The following GABRA3 variants were observed in gnomAD, a reference collection of about 807,000 sequenced individuals.
GABRA3 encodes the protein gamma-aminobutyric acid type A receptor subunit alpha3, also known as gamma-aminobutyric acid receptor subunit alpha-3.
Under a neutral mutation model 30.1 loss-of-function variants are expected in GABRA3, and 10 were observed. That is an observed-to-expected ratio of 0.33 (90% CI 0.20 to 0.56). The LOEUF (loss-of-function observed/expected upper bound fraction) is 0.56. Ranked by LOEUF, GABRA3 falls within the 20% of genes least tolerant of loss-of-function variation. The pLI is 0.89. For synonymous variants in GABRA3, 151 were observed against 146.8 expected (o/e 1.03, Z -0.21); for missense variants, 233 against 392.0 (o/e 0.59, Z 3.42).
chrX:152,230,012 C>A (rs748456188), intron 5 of GABRA3, among the ~76,000 whole-genome samples: 3 of 111,191 alleles, frequency 2.7e-5, no homozygotes, highest in African/African-American at 9.8e-5. Context: ...TAAGATACTT[C>A]CCCTAAGATC....
chrX:152,345,165 A>G (rs1940372142), intron 3 of GABRA3, among the ~76,000 whole-genome samples: 1 of 111,212 alleles, frequency 9.0e-6, no homozygotes, highest in African/African-American at 3.3e-5. Context: ...GTATTCTGTT[A>G]CTAGAAATGG....
At chrX:152,290,800 G>A (rs1415111771) in intron 3 of GABRA3, among the ~76,000 whole-genome samples, 4 of 111,531 alleles carry the variant, frequency 3.6e-5, no homozygotes, top group Non-Finnish European at 7.5e-5. Flanking sequence ...TTTTTGTCAG[G>A]TTTGTCAAAG....
At chrX:152,353,526 T>G (rs1940508074) in intron 2 of GABRA3, among the ~76,000 whole-genome samples, 1 of 111,964 alleles carries the variant, frequency 8.9e-6, no homozygotes, top group Non-Finnish European at 1.9e-5. Flanking sequence ...GCATGAGCAC[T>G]ATTTTGGCAA....
intron 5 of GABRA3, among the ~76,000 whole-genome samples, chrX:152,232,641 A>G (rs1427374989): frequency 3.7e-5 from 4 of 108,264 alleles, no homozygotes; most frequent in Admixed American, 1.0e-4. Flanking sequence ...GTGTGTGTGT[A>G]TATATGTAAC....
At chrX:152,206,802 G>A (rs979383570) in intron 7 of GABRA3, among the ~76,000 whole-genome samples, 1 of 111,681 alleles carries the variant, frequency 9.0e-6, no homozygotes, top group Non-Finnish European at 1.9e-5. Context: ...TCAGATTAGG[G>A]CCAGCCACAC....
intron 1 of GABRA3, among the ~76,000 whole-genome samples, chrX:152,384,202 A>C (rs1929235095): frequency 9.0e-6 from 1 of 111,365 alleles, no homozygotes; most frequent in Admixed American, 9.6e-5. Context: ...AAACTATAGA[A>C]CACTGATTAA....
chrX:152,220,479 A>G lies in GABRA3; in HGVS notation c.634+4284T>C, dbSNP rs1435635054. On this transcript the variant is annotated intron_variant, in intron 6 of 9. Transcript: ENST00000370314. ...TCTGATGGACATTAAGGTAGTTCCC[A>G]GTGGAGTTTATTACAATGAGCTCTG... Among the ~76,000 whole-genome samples the G allele has an allele frequency of 2.7e-5, 3 of 111,489 alleles. No homozygotes were observed. The East Asian group carries it at 8.5e-4, about 32-fold the overall frequency.
intron 2 of GABRA3, among the ~76,000 whole-genome samples, chrX:152,353,208 C>T (rs1016983678): frequency 9.0e-6 from 1 of 111,682 alleles, no homozygotes; most frequent in Non-Finnish European, 1.9e-5. Flanking sequence ...CACACCTACC[C>T]ACTTGGTAAA....
intron 1 of GABRA3, among the ~76,000 whole-genome samples, chrX:152,394,744 C>T (rs995376182): frequency 5.4e-5 from 6 of 111,869 alleles, no homozygotes; most frequent in African/African-American, 1.9e-4. Flanking sequence ...TTTATATTAT[C>T]ATGGAGAATA....
intron 5 of GABRA3, among the ~76,000 whole-genome samples, chrX:152,249,712 T>C (rs1014677284): frequency 9.0e-6 from 1 of 111,258 alleles, no homozygotes; most frequent in African/African-American, 3.3e-5. Context: ...TGTACTCTGG[T>C]CCAATCACAC....
chrX:152,358,084 G>A (rs12397233), intron 2 of GABRA3, among the ~76,000 whole-genome samples: 3,395 of 111,495 alleles, frequency 0.03, 105 homozygotes, highest in African/African-American at 0.1. Flanking sequence ...TTCTAGTTCA[G>A]TAAAGAATGT....
chrX:152,218,689 T>C (rs988923239), intron 6 of GABRA3, among the ~76,000 whole-genome samples: 2 of 111,331 alleles, frequency 1.8e-5, no homozygotes, highest in Admixed American at 9.6e-5. Context: ...TTCTGATGGA[T>C]TGACCTTTTC....
chrX:152,277,871 C>T (rs1441503554), intron 4 of GABRA3, among the ~76,000 whole-genome samples: 1 of 111,430 alleles, frequency 9.0e-6, no homozygotes, highest in East Asian at 2.8e-4. Context: ...TAACACTGTT[C>T]GATGTGTCAA....
At chrX:152,210,255 G>T (rs750205665) in intron 6 of GABRA3, among the ~76,000 whole-genome samples, 1 of 111,735 alleles carries the variant, frequency 8.9e-6, no homozygotes, top group South Asian at 3.7e-4. Flanking sequence ...TTAAAGATGT[G>T]AAAATATCCT....
chrX:152,256,780 G>A lies in GABRA3; in HGVS notation c.331-782C>T, dbSNP rs1365003. ...GTATTCCTTGAAAGCAGTGGAGCGT[G>A]ACTGAAAGCAGACAGAAACCTAAGG... On this transcript the variant is annotated intron_variant, in intron 4 of 9. Coordinates refer to ENST00000370314, the MANE Select transcript of GABRA3 (RefSeq NM_000808.4). Among the ~76,000 whole-genome samples the A allele has an allele frequency of 0.024, 2,741 of 111,910 alleles. 133 individuals are homozygous for A. The East Asian group carries it at 0.27, about 11-fold the overall frequency.
intron 1 of GABRA3, among the ~76,000 whole-genome samples, chrX:152,374,311 C>G (rs1360808892): frequency 1.9e-5 from 2 of 104,316 alleles, no homozygotes; most frequent in South Asian, 4.5e-4. Flanking sequence ...AATTAGATAC[C>G]ATTCGTCAAT....
At chrX:152,369,524 C>A (rs909575303) in intron 1 of GABRA3, among the ~76,000 whole-genome samples, 2 of 111,447 alleles carry the variant, frequency 1.8e-5, no homozygotes, top group Non-Finnish European at 3.8e-5. Flanking sequence ...TGCTCCTGCA[C>A]CAGGGCCTTT....
chrX:152,368,963 CCAAAGTGCTGGGATTA>C (rs1391047836), intron 1 of GABRA3, among the ~76,000 whole-genome samples: 79 of 111,483 alleles, frequency 7.1e-4, no homozygotes, highest in African/African-American at 2.5e-3. Flanking sequence ...TCTCGGCCTC[CCAAAGTGCTGGGATTA>C]CAGGCGTAAG....
intron 1 of GABRA3, among the ~76,000 whole-genome samples, chrX:152,385,074 A>C (rs1396305557): frequency 1.8e-5 from 2 of 111,645 alleles, no homozygotes; most frequent in Non-Finnish European, 3.8e-5. Context: ...CTCACCACAA[A>C]CTAATTGATT....
Sources: allele counts gnomAD v4.1 joint callset (sites outside exome capture counted in the v4.1 genomes callset), GRCh38; gene constraint gnomAD v4.1.1; transcripts MANE v1.5; gene names NCBI Gene and HGNC (gene_info 2026-07-23, HGNC 2026-07-21).